The following NRG1 variants were observed in gnomAD, a reference collection of about 807,000 sequenced individuals.
The protein encoded by NRG1 is neuregulin 1, also known as pro-neuregulin-1, membrane-bound isoform.
Under a neutral mutation model 63.8 loss-of-function variants are expected in NRG1, and 18 were observed. The observed-to-expected ratio is 0.28, with a 90% CI of 0.19 to 0.42. NRG1 has a LOEUF of 0.42. Among genes scored for constraint, NRG1 ranks in the 10% least tolerant of loss-of-function variants. The pLI, the probability that NRG1 is intolerant of heterozygous loss-of-function variation, is 1.00. For missense variants in NRG1, 762 were observed against 814.7 expected, an observed-to-expected ratio of 0.94 and a Z score of 0.79; for synonymous variants, 302 against 301.3, an observed-to-expected ratio of 1.00 and a Z score of -0.02.
intron 1 of NRG1, among the ~76,000 whole-genome samples, chr8:32,488,613 C>CAAACAAA (rs111732258): frequency 6.7e-6 from 1 of 150,174 alleles, no homozygotes; most frequent in African/African-American, 2.5e-5. Flanking sequence ...CCATCTCTAC[C>CAAACAAA]CAAACAAACA....
intron 3 of NRG1, among the ~76,000 whole-genome samples, chr8:32,606,105 C>T (rs371042338): frequency 1.4e-4 from 20 of 145,998 alleles, no homozygotes; most frequent in African/African-American, 3.0e-4. Context: ...ATTATATATG[C>T]GTTATATATG....
chr8:32,625,657 G>T (rs1369199575), intron 5 of NRG1, among the ~76,000 whole-genome samples: 20 of 152,084 alleles, frequency 1.3e-4, no homozygotes, highest in Admixed American at 1.3e-3. Context: ...TATAGATAGG[G>T]ATAGGCCAAG....
intron 1 of NRG1, among the ~76,000 whole-genome samples, chr8:32,041,198 A>C (rs1446424863): frequency 6.6e-6 from 1 of 152,138 alleles, no homozygotes; most frequent in East Asian, 1.9e-4. Flanking sequence ...AAAGGCTAAA[A>C]TTTATTTGTC....
At chr8:32,500,049 T>C (rs1827676482) in intron 1 of NRG1, among the ~76,000 whole-genome samples, 1 of 152,206 alleles carries the variant, frequency 6.6e-6, no homozygotes, top group African/African-American at 2.4e-5. Flanking sequence ...AAAATTTCTT[T>C]CTACAATCAC....
chr8:32,335,244 G>A (rs1803119417), intron 1 of NRG1, among the ~76,000 whole-genome samples: 1 of 152,172 alleles, frequency 6.6e-6, no homozygotes. Flanking sequence ...TGTGGTTTAA[G>A]ACAATGGAGG....
chr8:32,565,226 G>A (rs549081433), intron 1 of NRG1, among the ~76,000 whole-genome samples: 4 of 152,164 alleles, frequency 2.6e-5, no homozygotes, highest in African/African-American at 9.6e-5. Context: ...TGGCTTTCAG[G>A]AAAATTCTTC....
intron 5 of NRG1, among the ~76,000 whole-genome samples, chr8:32,641,152 C>CATAT (rs35696837): frequency 3.1e-3 from 459 of 147,570 alleles, no homozygotes; most frequent in Admixed American, 6.3e-3. Context: ...TAAATATATA[C>CATAT]ATATATATAT....
At chr8:32,027,449 C>CT (rs1817582639) in intron 1 of NRG1, among the ~76,000 whole-genome samples, 3 of 131,468 alleles carry the variant, frequency 2.3e-5, no homozygotes, top group African/African-American at 9.4e-5. Context: ...TCCTTCCTTC[C>CT]TTCCTTCCTT....
In NRG1 at chr8:31,698,723, T is replaced by C. The variant is rs114714235; in HGVS notation, c.37+59292T>C. Among the ~76,000 whole-genome samples the C allele has an allele frequency of 4.6e-3, 708 of 152,310 alleles. 9 individuals are homozygous for C. The highest frequency in any genetic ancestry group is 0.016 in the African/African-American group (655 of 41,570). ...AAGCAATACATTTTCCTCCAAAAAT[T>C]TGGCTTCTTTAGCAAGCAGCATATC... On this transcript the variant is annotated intron_variant, in intron 1 of 10. Transcript: ENST00000519301.
intron 1 of NRG1, among the ~76,000 whole-genome samples, chr8:32,050,343 G>C (rs558259726): frequency 6.6e-6 from 1 of 152,210 alleles, no homozygotes; most frequent in African/African-American, 2.4e-5. Flanking sequence ...ATGAGTTATT[G>C]TTTTATTGTT....
intron 5 of NRG1, among the ~76,000 whole-genome samples, chr8:32,635,402 T>C (rs1223587682): frequency 6.6e-6 from 1 of 152,224 alleles, no homozygotes; most frequent in African/African-American, 2.4e-5. Context: ...CAGGTCATCC[T>C]GAGGTTTTCC....
chr8:32,540,811 T>G (rs553662265), intron 1 of NRG1, among the ~76,000 whole-genome samples: 56 of 152,290 alleles, frequency 3.7e-4, no homozygotes, highest in African/African-American at 1.3e-3. Flanking sequence ...ATCTTGCACC[T>G]ATGGGAAAGA....
At chr8:31,733,758 C>T (rs1287995626) in intron 1 of NRG1, among the ~76,000 whole-genome samples, 1 of 152,170 alleles carries the variant, frequency 6.6e-6, no homozygotes, top group African/African-American at 2.4e-5. Context: ...TGTATGGGTT[C>T]TGTACATGTC....
chr8:32,732,799 CTTTTTT>C (rs1173388613), intron 6 of NRG1, among the ~76,000 whole-genome samples: 103 of 83,360 alleles, frequency 1.2e-3, no homozygotes, highest in African/African-American at 4.3e-3. Context: ...TGTTTAATTT[CTTTTTT>C]TTTTTTTTTT....
intron 1 of NRG1, among the ~76,000 whole-genome samples, chr8:32,434,037 T>C (rs1818486480): frequency 6.6e-6 from 1 of 151,878 alleles, no homozygotes; most frequent in Admixed American, 6.6e-5. Flanking sequence ...AATACAAAAA[T>C]TAGCTGGGCG....
At chr8:32,731,619 C>T (rs1823686304) in intron 6 of NRG1, among the ~76,000 whole-genome samples, 1 of 152,124 alleles carries the variant, frequency 6.6e-6, no homozygotes, top group Non-Finnish European at 1.5e-5. Flanking sequence ...TTTCTCGTTA[C>T]ATGAAACTGT....
chr8:32,128,262 T>C (rs1378990890), intron 1 of NRG1, among the ~76,000 whole-genome samples: 1 of 151,902 alleles, frequency 6.6e-6, no homozygotes, highest in Non-Finnish European at 1.5e-5. Flanking sequence ...TGTTGGAGAT[T>C]GAGCTTTCCA....
chr8:32,481,833 A>G (rs1825325725), intron 1 of NRG1, among the ~76,000 whole-genome samples: 1 of 152,224 alleles, frequency 6.6e-6, no homozygotes, highest in Non-Finnish European at 1.5e-5. Context: ...AGATGAAAAA[A>G]GGCATCACAG....
chr8:31,915,739 G>A (rs1167723405), intron 1 of NRG1, among the ~76,000 whole-genome samples: 2 of 152,072 alleles, frequency 1.3e-5, no homozygotes, highest in African/African-American at 4.8e-5. Flanking sequence ...TGACATGATG[G>A]ATAGAGTAGG....
Sources: gnomAD v4.1 joint callset for allele counts (sites outside exome capture counted in the v4.1 genomes callset) on GRCh38, gnomAD v4.1.1 for gene constraint, MANE v1.5 for transcripts, NCBI Gene and HGNC (gene_info 2026-07-23, HGNC 2026-07-21) for gene names.